The following PHKB variants were observed in gnomAD, a reference collection of about 807,000 sequenced individuals.
PHKB encodes the protein phosphorylase kinase regulatory subunit beta.
Under a neutral mutation model 152.1 loss-of-function variants are expected in PHKB, and 122 were observed. That is an observed-to-expected ratio of 0.80 (90% CI 0.69 to 0.93). The LOEUF is 0.93. Ranked by LOEUF, PHKB falls within the 40% of genes least tolerant of loss-of-function variation. PHKB has a pLI of 0.00. For missense variants in PHKB, 1,304 were observed against 1,328.4 expected (o/e 0.98, Z 0.29); for synonymous variants, 436 against 464.9 (o/e 0.94, Z 0.80).
At chr16:47,698,372 A>G (rs1974187370) in intron 29 of PHKB, 76 bp from the exon 30 acceptor site, 2 of 1,047,578 alleles carry the variant, frequency 1.9e-6, no homozygotes, top group African/African-American at 3.1e-5. Context: ...TGGATCACCC[A>G]TCCATCTGAT....
At chr16:47,543,172 T>C (rs991725958) in intron 6 of PHKB, among the ~76,000 whole-genome samples, 3 of 152,170 alleles carry the variant, frequency 2.0e-5, no homozygotes, top group African/African-American at 7.2e-5. Flanking sequence ...TGAGATACAT[T>C]CCATCAATAC....
chr16:47,688,459 G>A (rs1330683741), intron 26 of PHKB, among the ~76,000 whole-genome samples: 1 of 152,126 alleles, frequency 6.6e-6, no homozygotes, highest in African/African-American at 2.4e-5. Context: ...ATTGGTTAAA[G>A]TACATCTTTA....
At chr16:47,546,462 A>T (rs750012398) in intron 6 of PHKB, among the ~76,000 whole-genome samples, 2 of 152,224 alleles carry the variant, frequency 1.3e-5, no homozygotes, top group African/African-American at 4.8e-5. Context: ...CTGCTGCCTG[A>T]ACCTTCCTCT....
chr16:47,470,034 G>A (rs1306906456), intron 1 of PHKB, among the ~76,000 whole-genome samples: 1 of 152,154 alleles, frequency 6.6e-6, no homozygotes, highest in Non-Finnish European at 1.5e-5. Context: ...GTTACAAGTA[G>A]TGCTTTACAT....
chr16:47,532,580 A>T (rs1262945403), intron 6 of PHKB, among the ~76,000 whole-genome samples: 1 of 152,130 alleles, frequency 6.6e-6, no homozygotes. Flanking sequence ...GCTGCAACGG[A>T]GTGGGCAGCT....
intron 4 of PHKB, among the ~76,000 whole-genome samples, chr16:47,503,719 C>T (rs1195960678): frequency 1.3e-5 from 2 of 152,066 alleles, no homozygotes; most frequent in African/African-American, 2.4e-5. Context: ...GTCTCAGCTA[C>T]TCGGGAGGCT....
intron 6 of PHKB, among the ~76,000 whole-genome samples, chr16:47,546,817 C>T (rs1971176418): frequency 6.6e-6 from 1 of 152,072 alleles, no homozygotes; most frequent in Non-Finnish European, 1.5e-5. Context: ...ATGGTGGACC[C>T]CCCTCCCCCA....
intron 1 of PHKB, among the ~76,000 whole-genome samples, chr16:47,466,664 GTTAAT>G (rs1969674017): frequency 2.0e-5 from 3 of 151,868 alleles, no homozygotes; most frequent in African/African-American, 7.2e-5. Context: ...ACTTTCTTTT[GTTAAT>G]TTAATTTGAT....
intron 1 of PHKB, among the ~76,000 whole-genome samples, chr16:47,486,958 T>C (rs1970059662): frequency 6.6e-6 from 1 of 152,202 alleles, no homozygotes; most frequent in African/African-American, 2.4e-5. Context: ...TAATCACAAT[T>C]AGCTAAGGCA....
intron 9 of PHKB, 49 bp from the exon 10 acceptor site, chr16:47,588,856 G>A (rs1280591739): frequency 1.3e-6 from 2 of 1,490,530 alleles, no homozygotes; most frequent in African/African-American, 2.8e-5. Context: ...GGGCTGTGTT[G>A]ATCACATCGC....
intron 8 of PHKB, 44 bp from the exon 9 acceptor site, chr16:47,587,624 C>CT (rs1406341294): frequency 6.8e-7 from 1 of 1,467,988 alleles, no homozygotes; most frequent in Admixed American, 1.7e-5. Context: ...TTCTACAAGT[C>CT]TTTTTTCTTA....
chr16:47,587,695 G>C lies in PHKB; in HGVS notation c.802G>C (p.Asp268His). Residue 268 changes from aspartate (D) to histidine (H), a missense_variant, in exon 9 of 31, where the codon GAT (aspartate) becomes CAT (histidine). Physicochemically the swap from Asp to His is moderately conservative, Grantham distance 81. Coordinates refer to ENST00000323584, the MANE Select transcript of PHKB (RefSeq NM_000293.3). The stretch of plus-strand genomic sequence containing the variant: ...CTGTTCGTGGTCAGTTATATTTGTG[G>C]ATCTCGATGCTCACAATCGCAACAG... ...QGCSWSVIFV[D>H]LDAHNRNRQT... 1 of 1,613,610 alleles carries C rather than the reference G, an allele frequency of 6.2e-7. No homozygotes were observed. The highest frequency in any genetic ancestry group is 8.5e-7 in the Non-Finnish European group (1 of 1,179,670).
chr16:47,667,352 T>C (rs935134370), intron 25 of PHKB, among the ~76,000 whole-genome samples: 2 of 152,162 alleles, frequency 1.3e-5, no homozygotes, highest in Admixed American at 1.3e-4. Flanking sequence ...GGAGGATTGC[T>C]TGAGCCCAAG....
chr16:47,565,413 C>T, intron 7 of PHKB: 2 of 1,238,674 alleles, frequency 1.6e-6, no homozygotes, highest in Non-Finnish European at 2.4e-6. Context: ...GGGATTGCTG[C>T]TCTGTATCTG....
At position 47,566,039 on chromosome 16, in the gene PHKB, GTCA is replaced by G. The variant is rs1389934640; in HGVS notation, c.711-14250_711-14248del. The G allele has an allele frequency of 2.6e-4, 175 of 682,594 alleles. 1 individual carries two copies. The Admixed American group carries it at 4.1e-3, about 16-fold the overall frequency. 42.3% of individuals were successfully genotyped at this position (682,594 alleles called of 1,614,324 possible). ...CATCACAGTCCTCACCTCCTCTGTA[GTCA>G]TCATCCCTGTGGTACCCACTGCCAA... is the stretch of plus-strand genomic sequence containing the variant. On this transcript the variant is annotated intron_variant, in intron 7 of 30. Transcript: ENST00000323584.
At chr16:47,650,377 A>T (rs1973213955) in intron 18 of PHKB, among the ~76,000 whole-genome samples, 167 bp from the exon 19 acceptor site, 1 of 152,242 alleles carries the variant, frequency 6.6e-6, no homozygotes, top group Non-Finnish European at 1.5e-5. Context: ...GTGTACCCAG[A>T]GAACCTGCTA....
chr16:47,547,974 C>T (rs16945402), intron 7 of PHKB: 3,157 of 237,102 alleles, frequency 0.013, 103 homozygotes, highest in African/African-American at 0.069. Flanking sequence ...ATCCTGACCA[C>T]GGATGCTTAC....
chr16:47,504,317 G>T (rs1970374112), intron 4 of PHKB, among the ~76,000 whole-genome samples: 1 of 152,198 alleles, frequency 6.6e-6, no homozygotes, highest in Non-Finnish European at 1.5e-5. Context: ...TTATTGCTCA[G>T]GGTTTTTGTT....
intron 3 of PHKB, among the ~76,000 whole-genome samples, chr16:47,500,328 C>T (rs942081832): frequency 6.6e-6 from 1 of 152,138 alleles, no homozygotes; most frequent in African/African-American, 2.4e-5. Context: ...ACCACCATGC[C>T]CAGCCTAAAC....
Sources: gnomAD v4.1 joint callset for allele counts (sites outside exome capture counted in the v4.1 genomes callset) on GRCh38, gnomAD v4.1.1 for gene constraint, MANE v1.5 for transcripts, NCBI Gene and HGNC (gene_info 2026-07-23, HGNC 2026-07-21) for gene names.